The following LONP2 variants were observed in gnomAD, a reference collection of about 807,000 sequenced individuals.
LONP2 encodes the protein lon peptidase 2, peroxisomal, also known as lon protease homolog 2, peroxisomal.
LONP2 carries 60 observed loss-of-function variants against 85.6 expected under a neutral mutation model. That is an observed-to-expected ratio of 0.70 (90% CI 0.57 to 0.87). The LOEUF (loss-of-function observed/expected upper bound fraction) is 0.87. Ranked by LOEUF, LONP2 falls within the 40% of genes least tolerant of loss-of-function variation. LONP2 has a pLI of 0.00. For missense variants in LONP2, 860 were observed against 1,063.5 expected (o/e 0.81, Z 2.66); for synonymous variants, 395 against 389.7 (o/e 1.01, Z -0.16).
At chr16:48,264,171 A>G (rs540076293) in intron 6 of LONP2, among the ~76,000 whole-genome samples, 1 of 152,322 alleles carries the variant, frequency 6.6e-6, no homozygotes, top group Admixed American at 6.5e-5. Context: ...ACATCTTATC[A>G]GGAGACGGGG....
At chr16:48,272,671 A>G (rs1972129255) in intron 7 of LONP2, among the ~76,000 whole-genome samples, 1 of 152,182 alleles carries the variant, frequency 6.6e-6, no homozygotes, top group Non-Finnish European at 1.5e-5. Flanking sequence ...TGTTTTGTGA[A>G]TCATTCTATT....
At chr16:48,244,785 A>G (rs757907795) in intron 1 of LONP2, among the ~76,000 whole-genome samples, 164 bp downstream of exon 1, 3 of 152,164 alleles carry the variant, frequency 2.0e-5, no homozygotes, top group Non-Finnish European at 4.4e-5. Context: ...GATGTCAGAT[A>G]CCTGCCCCAT....
rs150375495 is a variant in LONP2, at chr16:48,270,019, G to A, written c.986G>A (p.Arg329His). The A allele has an allele frequency of 6.8e-4, 1,091 of 1,612,516 alleles. 1 individual carries two copies. Among genetic ancestry groups the A allele is most frequent in the Non-Finnish European group, 8.8e-4 (1,037 of 1,179,278 alleles). The change falls in exon 7 of 15, where the codon CGC (arginine) becomes CAC (histidine). Residue 329 changes from arginine to histidine, a missense_variant. Arg to His is a conservative substitution (Grantham distance 29). Transcript: ENST00000285737. ...TTTCTGTTGGGTTATTTGACAGACC[G>A]CCTGGACATTAGGGCAGCCCGGATT... ...ELPWNKSTTD[R>H]LDIRAARILL...
chr16:48,319,033 A>G (rs1973206710), intron 11 of LONP2, among the ~76,000 whole-genome samples: 1 of 150,734 alleles, frequency 6.6e-6, no homozygotes, highest in Non-Finnish European at 1.5e-5. Flanking sequence ...ATTCTCGTCT[A>G]CGGCCATGAG....
At chr16:48,325,899 A>G (rs920879798) in intron 11 of LONP2, among the ~76,000 whole-genome samples, 2 of 152,206 alleles carry the variant, frequency 1.3e-5, no homozygotes, top group African/African-American at 4.8e-5. Context: ...TCCTTTCTCC[A>G]CATCCACACC....
chr16:48,260,463 C>G (rs1200784802), intron 4 of LONP2, among the ~76,000 whole-genome samples: 2 of 152,048 alleles, frequency 1.3e-5, no homozygotes, highest in Admixed American at 1.3e-4. Context: ...AGCCAGCATG[C>G]TGGTGTGTGT....
chr16:48,348,017 T>G, intron 13 of LONP2, 83 bp from the exon 14 acceptor site: 1 of 1,295,794 alleles, frequency 7.7e-7, no homozygotes, highest in Non-Finnish European at 1.1e-6. Context: ...AAAACATTCA[T>G]TTTTGTTTGT....
Position 48,347,508 on chromosome 16 carries a change from T to C in LONP2, c.1940T>C (p.Val647Ala), listed in dbSNP as rs767722158. 6.2e-7 allele frequency: 1 copy of C among 1,614,214 alleles called. No individual in the cohort carries two copies. The highest frequency in any genetic ancestry group is 1.7e-5 in the Admixed American group (1 of 60,020). Residue 647 changes from valine to alanine, a missense_variant and splice_region_variant, in exon 13 of 15, where the codon GTA becomes GCA. Physicochemically the swap from Val to Ala is moderately conservative, Grantham distance 64. This residue lies in a region of LONP2 where 743 missense variants were observed against 917.3 expected (regional missense o/e 0.81). Coordinates refer to ENST00000285737, the MANE Select transcript of LONP2 (RefSeq NM_031490.5). ...ILGPPMYEME[V>A]SQRLSQPGVA... is the part of the protein sequence containing the mutation. ...TCTGATCATTCTTCTTCTTTCAAGG[T>C]ATCTCAGCGTTTGAGTCAGCCAGGA...
At chr16:48,345,212 T>A (rs1325206506) in intron 12 of LONP2, 1 of 152,232 alleles carries the variant, frequency 6.6e-6, no homozygotes, top group Non-Finnish European at 1.5e-5. Context: ...AGAGCGAGAC[T>A]CTGTCTCAAA....
chr16:48,255,628 C>T (rs1354063297), intron 2 of LONP2, among the ~76,000 whole-genome samples: 1 of 151,998 alleles, frequency 6.6e-6, no homozygotes, highest in Non-Finnish European at 1.5e-5. Context: ...CCAAATATCA[C>T]CTTGAGTTGT....
At chr16:48,305,441 G>A (rs1972894703) in intron 11 of LONP2, among the ~76,000 whole-genome samples, 1 of 152,090 alleles carries the variant, frequency 6.6e-6, no homozygotes, top group East Asian at 1.9e-4. Flanking sequence ...TTTTAGTAGA[G>A]ACAGGGTTTC....
chr16:48,295,374 GA>G (rs1296498690), intron 8 of LONP2, among the ~76,000 whole-genome samples: 6 of 151,956 alleles, frequency 3.9e-5, no homozygotes, highest in African/African-American at 1.4e-4. Context: ...TCTGTCTCAA[GA>G]AAAAAAGAGT....
intron 11 of LONP2, among the ~76,000 whole-genome samples, chr16:48,319,803 G>T (rs2151014365): frequency 6.6e-6 from 1 of 152,258 alleles, no homozygotes; most frequent in East Asian, 1.9e-4. Context: ...AACTCCATGG[G>T]GATGGGATAT....
chr16:48,245,413 T>C (rs990948980), intron 1 of LONP2, among the ~76,000 whole-genome samples: 1 of 152,224 alleles, frequency 6.6e-6, no homozygotes, highest in African/African-American at 2.4e-5. Context: ...AGCATCCATC[T>C]CTTAGGCAAG....
At chr16:48,341,837 A>G (rs1402243093) in intron 12 of LONP2, among the ~76,000 whole-genome samples, 1 of 152,238 alleles carries the variant, frequency 6.6e-6, no homozygotes, top group African/African-American at 2.4e-5. Flanking sequence ...AAGCCTAGGC[A>G]TAGCTCACAC....
In LONP2 at chr16:48,356,159, C is replaced by T. The variant is rs1468621841; in HGVS notation, c.*4357C>T. 2.6e-5 allele frequency: 4 copies of T among 152,158 alleles called. No homozygotes were observed. Among genetic ancestry groups the T allele is most frequent in the Non-Finnish European group, 5.9e-5 (4 of 68,036 alleles). 9.4% of individuals were successfully genotyped at this position (152,158 alleles called of 1,614,324 possible). ...GAAATAGTTCACGAGAAATCCATGA[C>T]CGTAAAGTACTGTGATAGTGATGTC... On this transcript the variant is annotated 3_prime_UTR_variant, in exon 15 of 15. Transcript: ENST00000285737.
chr16:48,296,722 CAAAA>C (rs911933648), intron 9 of LONP2, among the ~76,000 whole-genome samples: 2 of 58,848 alleles, frequency 3.4e-5, no homozygotes, highest in Non-Finnish European at 3.8e-5. Flanking sequence ...AACTCCATTT[CAAAA>C]AAAAAAAAAA....
chr16:48,341,531 A>G (rs928011153), intron 12 of LONP2, among the ~76,000 whole-genome samples: 47 of 152,002 alleles, frequency 3.1e-4, no homozygotes, highest in African/African-American at 1.1e-3. Flanking sequence ...GGGCTAAACC[A>G]TTCATGAGAA....
rs1156842074 is a variant in LONP2, at chr16:48,299,849, AC to A, written c.1661+63del. ...GCAACTTTTGAGTATTTACTGAGTT[AC>A]CAAACAGGACATAGAGTATCAATAT... On this transcript the variant is annotated intron_variant, in intron 10 of 14. Transcript: ENST00000285737. 2.0e-6 allele frequency: 3 copies of A among 1,521,232 alleles called. No homozygotes were observed. The African/African-American group carries it at 4.2e-5, about 21-fold the overall frequency. 94.2% of individuals were successfully genotyped at this position (1,521,232 alleles called of 1,614,324 possible).
Sources: allele counts gnomAD v4.1 joint callset (sites outside exome capture counted in the v4.1 genomes callset), GRCh38; gene constraint gnomAD v4.1.1; regional missense constraint gnomAD v4.1.1; transcripts MANE v1.5; gene names NCBI Gene and HGNC (gene_info 2026-07-23, HGNC 2026-07-21).